Variants in CCDC171 observed in about 807,000 individuals in gnomAD.
CCDC171 encodes coiled-coil domain-containing protein 171.
CCDC171 carries 177 observed loss-of-function variants against 168.2 expected under a neutral mutation model. That is an observed-to-expected ratio of 1.05 (90% CI 0.93 to 1.19). CCDC171 has a LOEUF of 1.19. Ranked by LOEUF, CCDC171 falls within the 50% of genes most tolerant of loss-of-function variation. The pLI is 0.00. For synonymous variants in CCDC171, 687 were observed against 540.8 expected (o/e 1.27, Z -3.75); for missense variants, 1,991 against 1,539.0 (o/e 1.29, Z -4.91).
chr9:15,744,319 T>C lies in CCDC171; in HGVS notation c.2096T>C (p.Ile699Thr). 1.9e-6 allele frequency: 3 copies of C among 1,610,904 alleles called. No individual in the cohort carries two copies. Among genetic ancestry groups the C allele is most frequent in the Non-Finnish European group, 2.5e-6 (3 of 1,179,194 alleles). Residue 699 changes from isoleucine (I) to threonine (T), a missense_variant, in exon 17 of 26, where the codon ATT becomes ACT. Transcript: ENST00000380701. The part of the protein sequence containing the change: ...AEKNMEKLNH[I>T]EKSHEQLVLE... ...AAAAACATGGAAAAATTGAACCATA[T>C]TGAGAAGTCACATGAACAGTTGGTT...
chr9:15,767,927 G>A lies in CCDC171; in HGVS notation c.2672-9673G>A, dbSNP rs546019607. 8.2e-5 allele frequency among the ~76,000 whole-genome samples: 12 copies of A among 145,792 alleles called. No individual in the cohort carries two copies. In the East Asian group the frequency reaches 1.8e-3, roughly 22 times the overall value. On this transcript the variant is annotated intron_variant, in intron 18 of 25. Transcript: ENST00000380701. ...TTTTTTAATTTTTAGTAGAGAAGGG[G>A]TTTCTCCATGTTGTCCAGGCTGGTC...
intron 21 of CCDC171, among the ~76,000 whole-genome samples, chr9:15,791,310 C>T (rs1178675507): frequency 6.6e-6 from 1 of 152,076 alleles, no homozygotes. Flanking sequence ...AGAGGTCCTT[C>T]ACATCCCTTG....
intron 6 of CCDC171, among the ~76,000 whole-genome samples, chr9:15,596,849 G>T (rs1201781846): frequency 6.6e-6 from 1 of 152,142 alleles, no homozygotes; most frequent in African/African-American, 2.4e-5. Flanking sequence ...TCTCCTTGAA[G>T]AGGTTCTTCA....
rs572535068 is a variant in CCDC171 at position 15,621,972 on chromosome 9, C to T, written c.676-1295C>T. ...GCCATAAAAAAGAATGAGGTAATAT[C>T]CTTTGCAGGAACATGGATGGAGCTG... On this transcript the variant is annotated intron_variant, in intron 6 of 25. Transcript: ENST00000380701. Among the ~76,000 whole-genome samples the T allele has an allele frequency of 5.3e-5, 8 of 152,280 alleles. 1 individual carries two copies. In the South Asian group the frequency reaches 1.5e-3, roughly 28 times the overall value.
chr9:15,860,961 T>A (rs994813906), intron 23 of CCDC171, among the ~76,000 whole-genome samples: 1 of 151,558 alleles, frequency 6.6e-6, no homozygotes, highest in Non-Finnish European at 1.5e-5. Context: ...TGTGTGTGTG[T>A]GATAATTGTT....
At chr9:15,792,380 C>G (rs1205508401) in intron 21 of CCDC171, among the ~76,000 whole-genome samples, 1 of 152,126 alleles carries the variant, frequency 6.6e-6, no homozygotes, top group Non-Finnish European at 1.5e-5. Context: ...GAGAATGGAA[C>G]CAAGTTGGAA....
At chr9:15,991,976 T>C (rs956514084) in intron 3 of CCDC171, among the ~76,000 whole-genome samples, 1 of 152,134 alleles carries the variant, frequency 6.6e-6, no homozygotes. Flanking sequence ...TCAGGTGGAT[T>C]CACATCCAAA....
At chr9:15,965,061 C>T (rs1008211942) in intron 25 of CCDC171, among the ~76,000 whole-genome samples, 1 of 152,288 alleles carries the variant, frequency 6.6e-6, no homozygotes, top group Non-Finnish European at 1.5e-5. Context: ...CCGTACCTGG[C>T]CTTAAGTGTT....
chr9:15,824,335 G>C (rs2059923792), intron 21 of CCDC171, among the ~76,000 whole-genome samples: 2 of 151,776 alleles, frequency 1.3e-5, no homozygotes, highest in South Asian at 4.1e-4. Context: ...ATTTACATAT[G>C]TATTAATTTT....
chr9:15,704,504 A>G (rs1472339593), intron 11 of CCDC171, among the ~76,000 whole-genome samples: 3 of 152,158 alleles, frequency 2.0e-5, no homozygotes, highest in Non-Finnish European at 4.4e-5. Context: ...CATGCTTTGT[A>G]TCTAACCTCT....
At chr9:15,933,425 T>G (rs1248169195) in intron 25 of CCDC171, among the ~76,000 whole-genome samples, 1 of 151,920 alleles carries the variant, frequency 6.6e-6, no homozygotes, top group African/African-American at 2.4e-5. Context: ...TGCTAAAGGT[T>G]TGTCAATTTT....
chr9:16,100,797 C>G, the CCDC171 span, among the ~76,000 whole-genome samples: 1 of 152,114 alleles, frequency 6.6e-6, no homozygotes, highest in African/African-American at 2.4e-5. Context: ...GCCTGTCAGG[C>G]GCCCCCCACC....
chr9:15,622,523 T>C (rs1463614095), intron 6 of CCDC171, among the ~76,000 whole-genome samples: 1 of 152,204 alleles, frequency 6.6e-6, no homozygotes, highest in East Asian at 1.9e-4. Context: ...AACATTACTG[T>C]GGTGAGGGAA....
chr9:15,899,111 C>G (rs1821299282), intron 24 of CCDC171, among the ~76,000 whole-genome samples: 1 of 152,184 alleles, frequency 6.6e-6, no homozygotes, highest in Non-Finnish European at 1.5e-5. Context: ...GTGTAATGCT[C>G]TTGAGATCCA....
upstream of CCDC171, among the ~76,000 whole-genome samples, chr9:16,042,352 G>C (rs1833586692): frequency 6.6e-6 from 1 of 152,198 alleles, no homozygotes; most frequent in African/African-American, 2.4e-5. Flanking sequence ...TCTGGCCTGA[G>C]AGAAGAGGGC....
At chr9:15,757,834 G>T (rs1272246181) in intron 18 of CCDC171, among the ~76,000 whole-genome samples, 1 of 152,222 alleles carries the variant, frequency 6.6e-6, no homozygotes, top group African/African-American at 2.4e-5. Context: ...GGCTTCAGAG[G>T]TGCAAGCCCC....
chr9:15,855,792 C>G (rs745618166), intron 23 of CCDC171, among the ~76,000 whole-genome samples: 1 of 151,806 alleles, frequency 6.6e-6, no homozygotes. Context: ...CAACGTAGTG[C>G]CAATTATGTT....
At chr9:15,785,458 A>G (rs1279668948) in intron 21 of CCDC171, among the ~76,000 whole-genome samples, 2 of 152,120 alleles carry the variant, frequency 1.3e-5, no homozygotes, top group African/African-American at 4.8e-5. Flanking sequence ...TGATATCTTA[A>G]TAATACTATT....
At chr9:15,629,358 G>A in intron 7 of CCDC171, among the ~76,000 whole-genome samples, 1 of 152,178 alleles carries the variant, frequency 6.6e-6, no homozygotes, top group East Asian at 1.9e-4. Context: ...GAAAGCCAAG[G>A]CTCGAGAACT....
Sources: gnomAD v4.1 joint callset for allele counts (sites outside exome capture counted in the v4.1 genomes callset) on GRCh38, gnomAD v4.1.1 for gene constraint, MANE v1.5 for transcripts, NCBI Gene and HGNC (gene_info 2026-07-23, HGNC 2026-07-21) for gene names.